The following STEAP2 variants were observed in gnomAD, a reference collection of about 807,000 sequenced individuals.
STEAP2 encodes STEAP2 metalloreductase, also known as metalloreductase STEAP2.
A neutral mutation model predicts 46.4 loss-of-function variants in STEAP2; 30 were observed. That is an observed-to-expected ratio of 0.65 (90% CI 0.48 to 0.88). The LOEUF is 0.88. STEAP2 is among the 40% of genes least tolerant of loss of function. The pLI, the probability that STEAP2 is intolerant of heterozygous loss-of-function variation, is 0.00. For synonymous variants in STEAP2, 180 were observed against 200.5 expected, an observed-to-expected ratio of 0.90 and a Z score of 0.86; for missense variants, 513 against 579.3, an observed-to-expected ratio of 0.89 and a Z score of 1.18.
At position 90,232,374 on chromosome 7, in the gene STEAP2, T is replaced by C. The variant is rs1189249205; in HGVS notation, c.1223T>C (p.Phe408Ser). 1.2e-6 allele frequency: 2 copies of C among 1,613,168 alleles called. No individual in the cohort carries two copies. Among genetic ancestry groups the C allele is most frequent in the Non-Finnish European group, 1.7e-6 (2 of 1,179,454 alleles). The change falls in exon 6 of 6, where the codon TTC becomes TCC. Residue 408 changes from phenylalanine (F) to serine (S), a missense_variant. Physicochemically the swap from Phe to Ser is radical, Grantham distance 155 (BLOSUM62 -2). Coordinates refer to ENST00000394621, the MANE Select transcript of STEAP2 (RefSeq NM_001244944.2). Reference protein sequence around the residue: ...LGYVALLISTFHVLIYGWKRA... With the variant: ...LGYVALLISTSHVLIYGWKRA... The stretch of plus-strand genomic sequence containing the variant: ...TATGTCGCTCTGCTCATAAGTACTT[T>C]CCATGTTTTAATTTATGGATGGAAA...
At chr7:90,224,556 C>A (rs559129896) in intron 2 of STEAP2, among the ~76,000 whole-genome samples, 2 of 152,312 alleles carry the variant, frequency 1.3e-5, no homozygotes, top group South Asian at 4.1e-4. Flanking sequence ...TTTAACACCA[C>A]CAGCTCGCCC....
In STEAP2 at chr7:90,216,573, A is replaced by G. The variant is rs185308515; in HGVS notation, c.-64A>G. On this transcript the variant is annotated 5_prime_UTR_variant, in exon 2 of 6. The change abolishes an upstream ATG in the 5' untranslated region. Transcript: ENST00000394621. ...TGCGTGGAAAAGGGGAAAGAACTGC[A>G]TGCATATTATTCAGCGTCCTATATT... 1 of 152,320 alleles carries G rather than the reference A, an allele frequency of 6.6e-6. No individual in the cohort carries two copies. Among genetic ancestry groups the G allele is most frequent in the East Asian group, 1.9e-4 (1 of 5,182 alleles). The allele number at this position is 152,320 out of a possible 1,614,324, so 9.4% of individuals were successfully genotyped here.
At chr7:90,213,031 G>C (rs1794882018) in intron 1 of STEAP2, among the ~76,000 whole-genome samples, 2 of 151,666 alleles carry the variant, frequency 1.3e-5, no homozygotes, top group Admixed American at 1.3e-4. Context: ...TCAAAGCTTA[G>C]AGGCTATTTA....
chr7:90,240,233 A>G (rs1038406683), downstream of STEAP2, among the ~76,000 whole-genome samples: 10 of 151,944 alleles, frequency 6.6e-5, no homozygotes, highest in Non-Finnish European at 1.0e-4. This position sits in a 1 kb window ranked among gnomAD's most constrained non-coding sequence, Gnocchi z 4.1. Flanking sequence ...GTGAGCAGAG[A>G]TCACGCCACT....
chr7:90,223,851 C>G (rs1015145699), intron 2 of STEAP2, among the ~76,000 whole-genome samples: 2 of 152,066 alleles, frequency 1.3e-5, no homozygotes, highest in Admixed American at 1.3e-4. Context: ...ATTTAAGTGC[C>G]AGGATTCATT....
At chr7:90,217,593 AT>A (rs1340388275) in intron 2 of STEAP2, among the ~76,000 whole-genome samples, 1 of 148,946 alleles carries the variant, frequency 6.7e-6, no homozygotes, top group Non-Finnish European at 1.5e-5. Flanking sequence ...ACACGATTTC[AT>A]TTTTTAAGGC....
At chr7:90,238,263 C>T (rs1240524629), downstream of STEAP2, 5 of 594,006 alleles carry the variant, frequency 8.4e-6, no homozygotes, top group Non-Finnish European at 1.6e-5. Context: ...TTCTGGCTTC[C>T]CCAGCTGCTG....
intron 2 of STEAP2, among the ~76,000 whole-genome samples, chr7:90,220,526 TGGTTA>T (rs1745274296): frequency 6.6e-6 from 1 of 152,112 alleles, no homozygotes; most frequent in Non-Finnish European, 1.5e-5. Flanking sequence ...TCTTTTTTCT[TGGTTA>T]GTCTAGCAAG....
chr7:90,237,888 C>A (rs1796009062), downstream of STEAP2, among the ~76,000 whole-genome samples: 2 of 151,776 alleles, frequency 1.3e-5, no homozygotes, highest in African/African-American at 2.4e-5. Flanking sequence ...AATATTCAAG[C>A]TATTCTGTAA....
intron 2 of STEAP2, among the ~76,000 whole-genome samples, chr7:90,222,495 T>C (rs1272824687): frequency 6.6e-6 from 1 of 152,130 alleles, no homozygotes; most frequent in Non-Finnish European, 1.5e-5. Flanking sequence ...AAATAACACA[T>C]GTCTTAGCTG....
downstream of STEAP2, among the ~76,000 whole-genome samples, chr7:90,241,039 G>A (rs914136188): frequency 3.3e-5 from 5 of 152,086 alleles, no homozygotes; most frequent in African/African-American, 1.2e-4. Context: ...TTACCAAGAA[G>A]AAAAGTAAAC....
chr7:90,241,658 C>T (rs1271261454), downstream of STEAP2, among the ~76,000 whole-genome samples: 2 of 152,126 alleles, frequency 1.3e-5, no homozygotes, highest in Admixed American at 6.6e-5. Context: ...TTTCTCCAGA[C>T]GATTCTGATA....
chr7:90,230,598 C>A (rs113144905), intron 5 of STEAP2, among the ~76,000 whole-genome samples: 4 of 151,868 alleles, frequency 2.6e-5, no homozygotes, highest in African/African-American at 4.8e-5. Flanking sequence ...TATACTAATA[C>A]GTATGGATGT....
At chr7:90,231,923 T>C (rs1795770038) in intron 5 of STEAP2, among the ~76,000 whole-genome samples, 1 of 151,982 alleles carries the variant, frequency 6.6e-6, no homozygotes, top group East Asian at 1.9e-4. Flanking sequence ...TGGCCTAACA[T>C]GACATTTATA....
chr7:90,223,918 A>G (rs1015746964), intron 2 of STEAP2, among the ~76,000 whole-genome samples: 4 of 152,214 alleles, frequency 2.6e-5, no homozygotes, highest in Admixed American at 2.0e-4. Context: ...ACTGAAGTAT[A>G]TAGGGAACTT....
At chr7:90,221,553 A>AT (rs1261995681) in intron 2 of STEAP2, among the ~76,000 whole-genome samples, 1 of 151,996 alleles carries the variant, frequency 6.6e-6, no homozygotes, top group Admixed American at 6.6e-5. Context: ...TTGGGTTATG[A>AT]TTTTTTATCT....
chr7:90,237,028 T>C lies in STEAP2; in HGVS notation c.*4404T>C. On this transcript the variant is annotated 3_prime_UTR_variant, in exon 6 of 6. Coordinates refer to ENST00000394621, the MANE Select transcript of STEAP2 (RefSeq NM_001244944.2). ...GTTAGGTGTACATGTGACTGAGTGT[T>C]GGCCAGTGAGATGAAGTCTCCTCAA... The C allele has an allele frequency of 1.3e-6, 2 of 1,503,714 alleles. No homozygotes were observed. The highest frequency in any genetic ancestry group is 1.8e-6 in the Non-Finnish European group (2 of 1,086,816). 93.1% of individuals were successfully genotyped at this position (1,503,714 alleles called of 1,614,324 possible).
rs762919375 is a variant in STEAP2, at chr7:90,225,428, G to T, written c.346G>T (p.Val116Leu). ...GCTTGTGGGTAAAATCCTGATTGAT[G>T]TGAGCAATAACATGAGGATAAACCA... Reference protein sequence around the residue: ...HLLVGKILIDVSNNMRINQYP... With the variant: ...HLLVGKILIDLSNNMRINQYP... Residue 116 changes from valine to leucine, a missense_variant, in exon 3 of 6, where the codon GTG (valine) becomes TTG (leucine). Val to Leu is a conservative substitution (Grantham distance 32). Coordinates refer to ENST00000394621, the MANE Select transcript of STEAP2 (RefSeq NM_001244944.2). 6.2e-7 allele frequency: 1 copy of T among 1,613,840 alleles called. No individual in the cohort carries two copies. Among genetic ancestry groups the T allele is most frequent in the Non-Finnish European group, 8.5e-7 (1 of 1,179,938 alleles).
chr7:90,240,270 G>A (rs1796046116), downstream of STEAP2, among the ~76,000 whole-genome samples: 1 of 98,708 alleles, frequency 1.0e-5, no homozygotes, highest in Admixed American at 1.1e-4. This position sits in a 1 kb window ranked among gnomAD's most constrained non-coding sequence, Gnocchi z 4.1. Context: ...GACAGAGTGA[G>A]ACCCTGTCTC....
Sources: allele counts gnomAD v4.1 joint callset (sites outside exome capture counted in the v4.1 genomes callset), GRCh38; gene constraint gnomAD v4.1.1; non-coding constraint Gnocchi (gnomAD v3.1); transcripts MANE v1.5; gene names NCBI Gene and HGNC (gene_info 2026-07-23, HGNC 2026-07-21).